Variants in ERC2 observed in about 807,000 individuals in gnomAD.
The protein encoded by ERC2 is ELKS/RAB6-interacting/CAST family member 2, also known as ERC protein 2.
Under a neutral mutation model 114.8 loss-of-function variants are expected in ERC2, and 42 were observed. The observed-to-expected ratio is 0.37, with a 90% CI of 0.29 to 0.47. The LOEUF (loss-of-function observed/expected upper bound fraction) is 0.47, where lower values mean the gene tolerates loss of function less well. Ranked by LOEUF, ERC2 falls within the 20% of genes least tolerant of loss-of-function variation. The pLI is 0.99. For missense variants in ERC2, 939 were observed against 1,150.7 expected (o/e 0.82, Z 2.66); for synonymous variants, 454 against 425.5 (o/e 1.07, Z -0.82).
intron 12 of ERC2, among the ~76,000 whole-genome samples, chr3:55,977,339 C>T (rs1414076556): frequency 2.2e-5 from 3 of 135,966 alleles, no homozygotes; most frequent in Admixed American, 1.5e-4. Context: ...TAACAAAAAC[C>T]ACCATTAGCC....
At position 55,708,244 on chromosome 3, in the gene ERC2, T is replaced by C. The variant is rs554738069; in HGVS notation, c.2713-8732A>G. 1.0e-3 allele frequency among the ~76,000 whole-genome samples: 152 copies of C among 152,214 alleles called. 1 individual carries two copies. The highest frequency in any genetic ancestry group is 3.5e-3 in the African/African-American group (144 of 41,520). ...TCATTATGCACAGTCCACACTAGCG[T>C]TTAATGCTTCAACCAATGAGACAGC... is the stretch of plus-strand genomic sequence containing the variant. On this transcript the variant is annotated intron_variant, in intron 15 of 17. Transcript: ENST00000288221.
At chr3:55,904,687 T>A (rs1186469545) in intron 13 of ERC2, among the ~76,000 whole-genome samples, 1 of 152,138 alleles carries the variant, frequency 6.6e-6, no homozygotes, top group Non-Finnish European at 1.5e-5. Flanking sequence ...CACTCTACTC[T>A]TCAGTGAAGA....
intron 2 of ERC2, 53 bp downstream of exon 2, chr3:56,434,298 A>G (rs559267526): frequency 1.9e-6 from 3 of 1,547,546 alleles, no homozygotes; most frequent in Admixed American, 1.7e-5. Context: ...CAAAGCATCA[A>G]CTACTCAGTG....
At chr3:55,857,474 C>A (rs2149255333) in intron 14 of ERC2, among the ~76,000 whole-genome samples, 1 of 152,228 alleles carries the variant, frequency 6.6e-6, no homozygotes, top group Admixed American at 6.5e-5. Context: ...TCAGTGGCAT[C>A]AATCACATTC....
intron 14 of ERC2, among the ~76,000 whole-genome samples, chr3:55,752,982 T>C (rs975598931): frequency 6.6e-6 from 1 of 152,126 alleles, no homozygotes; most frequent in Admixed American, 6.5e-5. Context: ...GTTTATTTCA[T>C]TTGATTGTAT....
chr3:55,927,246 TAAAG>T (rs1559882341), intron 13 of ERC2, among the ~76,000 whole-genome samples: 1 of 152,122 alleles, frequency 6.6e-6, no homozygotes, highest in Non-Finnish European at 1.5e-5. Flanking sequence ...TTAACAACCA[TAAAG>T]AGACTGATCA....
At chr3:56,397,960 T>C (rs4974139) in intron 2 of ERC2, among the ~76,000 whole-genome samples, 35,810 of 152,146 alleles carry the variant, frequency 0.24, 4,850 homozygotes, top group Non-Finnish European at 0.3. Context: ...TCCCTTTAAC[T>C]GTAATTCCCA....
intron 17 of ERC2, among the ~76,000 whole-genome samples, chr3:55,535,459 C>T (rs2053939192): frequency 1.3e-5 from 2 of 152,102 alleles, no homozygotes; most frequent in Admixed American, 1.3e-4. Flanking sequence ...TATTCTAAGC[C>T]ACAATTGAGG....
At position 55,553,704 on chromosome 3, in the gene ERC2, C is replaced by T. The variant is rs566914464; in HGVS notation, c.*40-42428G>A. On this transcript the variant is annotated intron_variant, in intron 17 of 17. Coordinates refer to ENST00000288221, the MANE Select transcript of ERC2 (RefSeq NM_015576.3). ...CTGAGGCAGGAGAATGGCGTGAACC[C>T]GGGAGGTGGAGCTTGCCGTGAGTCA... Among the ~76,000 whole-genome samples, 7 of 152,062 alleles carry T rather than the reference C, an allele frequency of 4.6e-5. No individual in the cohort carries two copies. The East Asian group carries it at 7.8e-4, about 17-fold the overall frequency.
At chr3:55,795,605 C>T (rs967173288) in intron 14 of ERC2, among the ~76,000 whole-genome samples, 7 of 152,210 alleles carry the variant, frequency 4.6e-5, no homozygotes, top group African/African-American at 1.7e-4. Flanking sequence ...TCACTCCCGA[C>T]AGGTCTCCAA....
At chr3:55,688,618 A>C (rs1485610682) in intron 16 of ERC2, among the ~76,000 whole-genome samples, 1 of 152,100 alleles carries the variant, frequency 6.6e-6, no homozygotes, top group Non-Finnish European at 1.5e-5. Context: ...TAGAAGCTAC[A>C]ATTTAGTTGG....
chr3:55,797,167 C>A (rs1191642284), intron 14 of ERC2, among the ~76,000 whole-genome samples: 2 of 152,082 alleles, frequency 1.3e-5, no homozygotes, highest in African/African-American at 2.4e-5. Flanking sequence ...CTAGGAAAGG[C>A]CCTCTCAAAA....
chr3:55,701,287 G>A (rs114005040), intron 15 of ERC2, among the ~76,000 whole-genome samples: 1 of 148,488 alleles, frequency 6.7e-6, no homozygotes, highest in Non-Finnish European at 1.5e-5. Context: ...TCAGCCCCAA[G>A]AGTCTCTTTC....
chr3:55,877,972 GAAGA>G (rs1302196313), intron 14 of ERC2, among the ~76,000 whole-genome samples: 1 of 152,076 alleles, frequency 6.6e-6, no homozygotes, highest in East Asian at 1.9e-4. Context: ...TCTTGGATTG[GAAGA>G]AAGGGCCAAG....
intron 15 of ERC2, among the ~76,000 whole-genome samples, chr3:55,719,655 C>A (rs1288613788): frequency 6.6e-6 from 1 of 152,118 alleles, no homozygotes; most frequent in African/African-American, 2.4e-5. Flanking sequence ...AAATCAGCAA[C>A]ACTTAAGTGT....
chr3:55,650,342 C>A (rs531560318), intron 17 of ERC2, among the ~76,000 whole-genome samples: 1 of 152,154 alleles, frequency 6.6e-6, no homozygotes, highest in Non-Finnish European at 1.5e-5. Context: ...CCACCCACCT[C>A]TCCAATTTCA....
intron 2 of ERC2, among the ~76,000 whole-genome samples, chr3:56,331,940 A>G (rs565684357): frequency 6.6e-5 from 10 of 152,198 alleles, no homozygotes; most frequent in Middle Eastern, 6.8e-3. Context: ...TAGCGACTAT[A>G]CCACAAAACC....
At chr3:56,331,204 C>A (rs1436373518) in intron 2 of ERC2, among the ~76,000 whole-genome samples, 3 of 152,146 alleles carry the variant, frequency 2.0e-5, no homozygotes, top group Non-Finnish European at 4.4e-5. Flanking sequence ...TAGAGAGAAT[C>A]CCCTACCCTT....
At chr3:56,293,684 G>T (rs2055239353) in intron 3 of ERC2, among the ~76,000 whole-genome samples, 2 of 152,182 alleles carry the variant, frequency 1.3e-5, no homozygotes, top group Non-Finnish European at 2.9e-5. Flanking sequence ...TTGGTCTGAT[G>T]CTCAGGGAAA....
Sources: allele counts gnomAD v4.1 joint callset (sites outside exome capture counted in the v4.1 genomes callset), GRCh38; gene constraint gnomAD v4.1.1; transcripts MANE v1.5; gene names NCBI Gene and HGNC (gene_info 2026-07-23, HGNC 2026-07-21).